Variants in ULK4 observed in about 807,000 individuals in gnomAD.
ULK4 encodes the protein inactive serine/threonine-protein kinase ULK4.
ULK4 carries 133 observed loss-of-function variants against 160.6 expected under a neutral mutation model. The ratio of observed to expected loss-of-function variants is 0.83; its 90% CI spans 0.72 to 0.96. The LOEUF is 0.96. Among genes scored for constraint, ULK4 ranks in the 40% least tolerant of loss-of-function variants. The probability of loss-of-function intolerance (pLI) is 0.00; values close to 1 mark genes in which losing one functional copy is unlikely to be tolerated. For synonymous variants in ULK4, 534 were observed against 539.8 expected (o/e 0.99, Z 0.15); for missense variants, 1,580 against 1,499.5 (o/e 1.05, Z -0.89).
At chr3:41,297,625 A>G (rs1345053783) in intron 35 of ULK4, among the ~76,000 whole-genome samples, 1 of 152,146 alleles carries the variant, frequency 6.6e-6, no homozygotes, top group Non-Finnish European at 1.5e-5. Context: ...TTAGGAGCCA[A>G]TCCTGTTTTT....
intron 33 of ULK4, among the ~76,000 whole-genome samples, chr3:41,458,720 A>G (rs12487079): frequency 0.23 from 35,181 of 152,036 alleles, 4,321 homozygotes; most frequent in East Asian, 0.54. Context: ...AGGCATCTAT[A>G]AAGAACAAGA....
rs564714187 is a variant in ULK4, at chr3:41,378,317, A to G, written c.3678+19762T>C. 5.3e-5 allele frequency among the ~76,000 whole-genome samples: 8 copies of G among 151,858 alleles called. No homozygotes were observed. The East Asian group carries it at 1.6e-3, about 30-fold the overall frequency. On this transcript the variant is annotated intron_variant, in intron 35 of 36. Transcript: ENST00000301831. ...TGCAGCACACCAGCATGGCACATGT[A>G]TACATATGTAACTAACCTGCACAAT...
chr3:41,775,470 C>A (rs894592961), intron 21 of ULK4, among the ~76,000 whole-genome samples: 1 of 148,576 alleles, frequency 6.7e-6, no homozygotes, highest in African/African-American at 2.6e-5. Flanking sequence ...GCAATCTGGG[C>A]TCACTGCAAC....
chr3:41,608,005 C>A (rs1052817400), intron 31 of ULK4, among the ~76,000 whole-genome samples: 19 of 152,180 alleles, frequency 1.2e-4, no homozygotes, highest in Non-Finnish European at 2.6e-4. Context: ...CTATGTTAGA[C>A]ATTTCTGTGT....
chr3:41,312,022 G>A (rs2080060774), intron 35 of ULK4, among the ~76,000 whole-genome samples: 1 of 145,880 alleles, frequency 6.9e-6, no homozygotes, highest in African/African-American at 2.6e-5. Flanking sequence ...TGCCCAGGCT[G>A]AAGTGCAGTG....
chr3:41,302,627 T>C (rs534781110), intron 35 of ULK4, among the ~76,000 whole-genome samples: 1 of 152,326 alleles, frequency 6.6e-6, no homozygotes, highest in South Asian at 2.1e-4. Context: ...ATTGCCCAGA[T>C]GTGGTGCAGC....
chr3:41,721,274 T>TGG (rs2037447386), intron 22 of ULK4, among the ~76,000 whole-genome samples: 1 of 113,562 alleles, frequency 8.8e-6, no homozygotes. Flanking sequence ...TTTTTTTTTT[T>TGG]TTTTTTTTTT....
intron 18 of ULK4, among the ~76,000 whole-genome samples, chr3:41,830,618 A>T (rs2041546433): frequency 6.6e-6 from 1 of 152,062 alleles, no homozygotes; most frequent in Non-Finnish European, 1.5e-5. Context: ...CAGGGATGAA[A>T]AACTATAGGA....
intron 31 of ULK4, among the ~76,000 whole-genome samples, chr3:41,574,092 T>C (rs1407434679): frequency 1.5e-5 from 2 of 132,612 alleles, no homozygotes; most frequent in South Asian, 2.4e-4. Context: ...TGAGGCAGAA[T>C]TGCTTGACCT....
chr3:41,623,399 C>CA lies in ULK4; in HGVS notation c.3072-7683dup, dbSNP rs201366132. ...TTAGAAAGTCCACCTTGATGTCTAG[C>CA]AAAAAAAAATGTGATTACTATTCAT... On this transcript the variant is annotated intron_variant, in intron 30 of 36. Transcript: ENST00000301831. Among the ~76,000 whole-genome samples, 577 of 149,022 alleles carry CA rather than the reference C, an allele frequency of 3.9e-3. 6 individuals are homozygous for CA. Among genetic ancestry groups the CA allele is most frequent in the African/African-American group, 0.013 (526 of 40,650 alleles).
At chr3:41,698,123 C>T (rs1265608773) in intron 27 of ULK4, among the ~76,000 whole-genome samples, 1 of 152,120 alleles carries the variant, frequency 6.6e-6, no homozygotes, top group Non-Finnish European at 1.5e-5. Flanking sequence ...TGGGCTATAC[C>T]ATCTAGGTTG....
intron 22 of ULK4, among the ~76,000 whole-genome samples, chr3:41,726,257 A>C (rs1289366796): frequency 6.6e-6 from 1 of 152,204 alleles, no homozygotes; most frequent in Non-Finnish European, 1.5e-5. Context: ...TGCTGGGAGA[A>C]ATAAAAAACT....
chr3:41,564,689 C>T (rs1336273483), intron 32 of ULK4, among the ~76,000 whole-genome samples: 2 of 151,950 alleles, frequency 1.3e-5, no homozygotes, highest in African/African-American at 2.4e-5. Flanking sequence ...AAACTCCTGA[C>T]CTCAAGTGAT....
At position 41,482,088 on chromosome 3, in the gene ULK4, T is replaced by G. The variant is rs899069458; in HGVS notation, c.3227-18835A>C. On this transcript the variant is annotated intron_variant, in intron 32 of 36. Transcript: ENST00000301831. The stretch of plus-strand genomic sequence containing the variant: ...TATTCTTTCACCACTTTACTTAATA[T>G]ATTTGCTTTCACTTTGCACTGTGGA... 1.8e-4 allele frequency among the ~76,000 whole-genome samples: 28 copies of G among 152,252 alleles called. 1 individual carries two copies. The Middle Eastern group carries it at 0.01, about 55-fold the overall frequency.
At chr3:41,333,420 G>C (rs887673546) in intron 35 of ULK4, among the ~76,000 whole-genome samples, 4 of 148,576 alleles carry the variant, frequency 2.7e-5, no homozygotes, top group African/African-American at 1.0e-4. Flanking sequence ...TGAGAAGTTG[G>C]ATACAAATCA....
chr3:41,702,581 G>A (rs186955789), intron 27 of ULK4, among the ~76,000 whole-genome samples: 12 of 152,264 alleles, frequency 7.9e-5, no homozygotes, highest in African/African-American at 2.9e-4. Flanking sequence ...GCATGATTAT[G>A]TTAGAATGGG....
intron 35 of ULK4, among the ~76,000 whole-genome samples, chr3:41,391,432 A>G (rs2081955518): frequency 6.6e-6 from 1 of 152,100 alleles, no homozygotes; most frequent in Admixed American, 6.6e-5. Flanking sequence ...ATACAAGTCA[A>G]GAATGGAAGG....
intron 17 of ULK4, among the ~76,000 whole-genome samples, chr3:41,875,283 T>G (rs1296200042): frequency 6.6e-6 from 1 of 152,206 alleles, no homozygotes; most frequent in East Asian, 1.9e-4. Context: ...CCAGGTGTGA[T>G]AGCTCACGCT....
intron 21 of ULK4, among the ~76,000 whole-genome samples, chr3:41,786,168 C>T (rs1307981964): frequency 3.3e-5 from 5 of 152,154 alleles, no homozygotes; most frequent in Non-Finnish European, 7.4e-5. Flanking sequence ...CAAATTACTG[C>T]GTTTTGTTTA....
Sources: gnomAD v4.1 joint callset for allele counts (sites outside exome capture counted in the v4.1 genomes callset) on GRCh38, gnomAD v4.1.1 for gene constraint, MANE v1.5 for transcripts, NCBI Gene and HGNC (gene_info 2026-07-23, HGNC 2026-07-21) for gene names.